Variants in MBNL1 observed in about 807,000 individuals in gnomAD.
MBNL1 encodes muscleblind like splicing regulator 1.
Under a neutral mutation model 42.2 loss-of-function variants are expected in MBNL1, and 8 were observed. The observed-to-expected ratio is 0.19, with a 90% CI of 0.11 to 0.34. The LOEUF is 0.34. Ranked by LOEUF, MBNL1 falls within the 10% of genes least tolerant of loss-of-function variation. The pLI is 1.00. For missense variants in MBNL1, 309 were observed against 495.3 expected (o/e 0.62, Z 3.57); for synonymous variants, 169 against 173.9 (o/e 0.97, Z 0.22).
At chr3:152,395,070 A>G (rs1452365164) in intron 2 of MBNL1, among the ~76,000 whole-genome samples, 1 of 152,136 alleles carries the variant, frequency 6.6e-6, no homozygotes, top group Non-Finnish European at 1.5e-5. Flanking sequence ...CATGTTGGCC[A>G]GGATGGTCTT....
At chr3:152,392,864 T>G (rs2097777835) in intron 2 of MBNL1, among the ~76,000 whole-genome samples, 1 of 152,212 alleles carries the variant, frequency 6.6e-6, no homozygotes, top group African/African-American at 2.4e-5. Flanking sequence ...CTGAGAAGTA[T>G]TCTGAGTAGA....
chr3:152,292,324 G>C (rs772522675), intron 1 of MBNL1, among the ~76,000 whole-genome samples: 18 of 152,276 alleles, frequency 1.2e-4, no homozygotes, highest in Non-Finnish European at 2.4e-4. Context: ...AATACTTAAG[G>C]ATCAACAATC....
intron 2 of MBNL1, among the ~76,000 whole-genome samples, chr3:152,349,758 C>CTGTG (rs149879214): frequency 0.31 from 47,279 of 150,882 alleles, 7,607 homozygotes; most frequent in East Asian, 0.52. Context: ...AGTAAATTGT[C>CTGTG]TGTGTGTGTG....
chr3:152,271,738 T>C (rs1313551084), intron 1 of MBNL1, among the ~76,000 whole-genome samples: 2 of 152,126 alleles, frequency 1.3e-5, no homozygotes, highest in Non-Finnish European at 2.9e-5. Flanking sequence ...ATATGGATCA[T>C]AGAGAATGTG....
At chr3:152,360,329 T>A (rs531995295) in intron 2 of MBNL1, among the ~76,000 whole-genome samples, 12 of 152,196 alleles carry the variant, frequency 7.9e-5, no homozygotes, top group Non-Finnish European at 1.6e-4. Context: ...TGGTTAAGAT[T>A]AATGATAGCT....
chr3:152,315,678 G>A (rs936797826), intron 2 of MBNL1, among the ~76,000 whole-genome samples: 3 of 151,990 alleles, frequency 2.0e-5, no homozygotes, highest in Non-Finnish European at 4.4e-5. Context: ...TGAGATCATG[G>A]TGCCATGGTT....
At chr3:152,451,121 G>C (rs957261541) in intron 6 of MBNL1, among the ~76,000 whole-genome samples, 2 of 152,126 alleles carry the variant, frequency 1.3e-5, no homozygotes, top group African/African-American at 2.4e-5. Flanking sequence ...TTGCAGCTCA[G>C]AATTTTAGTG....
At chr3:152,392,475 C>CAGCA (rs2097763346) in intron 2 of MBNL1, among the ~76,000 whole-genome samples, 1 of 152,162 alleles carries the variant, frequency 6.6e-6, no homozygotes, top group Admixed American at 6.5e-5. Flanking sequence ...TTTTGAAAAT[C>CAGCA]AGCATACTTA....
At chr3:152,425,442 AC>A (rs1406798466) in intron 3 of MBNL1, among the ~76,000 whole-genome samples, 1 of 152,028 alleles carries the variant, frequency 6.6e-6, no homozygotes, top group African/African-American at 2.4e-5. Context: ...CCCTGTCTCT[AC>A]TAAAGATACA....
intron 2 of MBNL1, among the ~76,000 whole-genome samples, chr3:152,318,010 T>C (rs111458335): frequency 1.0e-3 from 154 of 152,334 alleles, no homozygotes; most frequent in African/African-American, 3.6e-3. Context: ...AGACTGCAAG[T>C]ACTGTTGCTT....
intron 2 of MBNL1, among the ~76,000 whole-genome samples, chr3:152,336,630 C>A (rs1174755645): frequency 6.6e-6 from 1 of 152,228 alleles, no homozygotes; most frequent in Non-Finnish European, 1.5e-5. Context: ...CAGTACTTAA[C>A]ATGTCATAAG....
intron 2 of MBNL1, among the ~76,000 whole-genome samples, chr3:152,381,463 T>G (rs1437858625): frequency 6.6e-6 from 1 of 152,022 alleles, no homozygotes; most frequent in African/African-American, 2.4e-5. Context: ...TTAAAATATT[T>G]TAAATTTTAA....
At chr3:152,360,147 A>G (rs867756343) in intron 2 of MBNL1, among the ~76,000 whole-genome samples, 5 of 152,088 alleles carry the variant, frequency 3.3e-5, no homozygotes, top group Non-Finnish European at 7.4e-5. Flanking sequence ...TCACTTTTTT[A>G]GTATCTTCAG....
chr3:152,272,587 A>C (rs1003609881), intron 1 of MBNL1, among the ~76,000 whole-genome samples: 9 of 152,048 alleles, frequency 5.9e-5, no homozygotes, highest in Admixed American at 3.9e-4. Flanking sequence ...AAAAAAAAAA[A>C]CCCATATCCA....
At chr3:152,380,898 A>T (rs1178841821) in intron 2 of MBNL1, among the ~76,000 whole-genome samples, 1 of 152,120 alleles carries the variant, frequency 6.6e-6, no homozygotes, top group Non-Finnish European at 1.5e-5. Context: ...ATTCTAAGTT[A>T]GAATATCTTT....
chr3:152,385,716 A>G (rs2070107805), intron 2 of MBNL1, among the ~76,000 whole-genome samples: 1 of 152,104 alleles, frequency 6.6e-6, no homozygotes, highest in African/African-American at 2.4e-5. Flanking sequence ...CTTGCCTTTT[A>G]GAGTGATACT....
At chr3:152,386,234 A>C (rs2097415193) in intron 2 of MBNL1, among the ~76,000 whole-genome samples, 1 of 152,054 alleles carries the variant, frequency 6.6e-6, no homozygotes, top group Non-Finnish European at 1.5e-5. Context: ...AAAATAGAGC[A>C]TGTGTTCATT....
intron 4 of MBNL1, among the ~76,000 whole-genome samples, chr3:152,438,924 A>G (rs930094186): frequency 6.6e-6 from 1 of 152,216 alleles, no homozygotes; most frequent in Non-Finnish European, 1.5e-5. Context: ...GCGTAATCCA[A>G]TAAAAACCAG....
chr3:152,258,618 A>C (rs1576803317), intron 2 of MBNL1, among the ~76,000 whole-genome samples: 1 of 152,370 alleles, frequency 6.6e-6, no homozygotes, highest in South Asian at 2.1e-4. Flanking sequence ...AACTACTGCC[A>C]GTGGAAACTA....
Sources: allele counts gnomAD v4.1 joint callset (sites outside exome capture counted in the v4.1 genomes callset), GRCh38; gene constraint gnomAD v4.1.1; transcripts MANE v1.5; gene names NCBI Gene and HGNC (gene_info 2026-07-23, HGNC 2026-07-21).